Variants in CLEC17A observed in about 807,000 individuals in gnomAD.
CLEC17A encodes C-type lectin domain containing 17A.
Under a neutral mutation model 61.3 loss-of-function variants are expected in CLEC17A, and 37 were observed. The observed-to-expected ratio is 0.60, with a 90% CI of 0.46 to 0.79. CLEC17A has a LOEUF of 0.79. Among genes scored for constraint, CLEC17A ranks in the 30% least tolerant of loss-of-function variants. The probability of loss-of-function intolerance (pLI) is 0.00; values close to 1 mark genes in which losing one functional copy is unlikely to be tolerated. For missense variants in CLEC17A, 418 were observed against 464.7 expected (o/e 0.90, Z 0.92); for synonymous variants, 168 against 164.9 (o/e 1.02, Z -0.14).
At chr19:14,592,751 G>A (rs1393367138) in intron 4 of CLEC17A, among the ~76,000 whole-genome samples, 4 of 151,916 alleles carry the variant, frequency 2.6e-5, no homozygotes, top group East Asian at 1.9e-4. Flanking sequence ...CTGCAACCTC[G>A]CCTCCTGGGT....
At chr19:14,587,038 A>T (rs2074300128) in intron 2 of CLEC17A, among the ~76,000 whole-genome samples, 1 of 151,092 alleles carries the variant, frequency 6.6e-6, no homozygotes, top group Non-Finnish European at 1.5e-5. Context: ...ACAGGCAGGC[A>T]CCACCACGCC....
intron 13 of CLEC17A, 48 bp from the exon 14 acceptor site, chr19:14,610,016 A>G (rs755278132): frequency 3.6e-6 from 5 of 1,407,970 alleles, no homozygotes; most frequent in Middle Eastern, 1.8e-4. Context: ...GAAGAGTTTC[A>G]CCACCCTAAA....
At chr19:14,604,959 C>T (rs2074818324) in intron 12 of CLEC17A, among the ~76,000 whole-genome samples, 2 of 152,098 alleles carry the variant, frequency 1.3e-5, no homozygotes, top group South Asian at 4.1e-4. Flanking sequence ...CACACCCAAA[C>T]AGCAACAATA....
intron 2 of CLEC17A, among the ~76,000 whole-genome samples, chr19:14,586,487 A>T (rs1406201061): frequency 6.6e-6 from 1 of 151,630 alleles, no homozygotes; most frequent in Non-Finnish European, 1.5e-5. Context: ...TAGTAGTGCA[A>T]TCATGGCTCA....
At chr19:14,600,398 C>G (rs1334326781) in intron 12 of CLEC17A, among the ~76,000 whole-genome samples, 1 of 152,158 alleles carries the variant, frequency 6.6e-6, no homozygotes, top group African/African-American at 2.4e-5. Context: ...TTGATTTAAC[C>G]TCTGTACATT....
chr19:14,600,675 G>A (rs143175627), intron 12 of CLEC17A, among the ~76,000 whole-genome samples: 1,812 of 150,752 alleles, frequency 0.012, 34 homozygotes, highest in African/African-American at 0.042. Context: ...TCCGCCTCCC[G>A]GGTTCACGCC....
intron 3 of CLEC17A, among the ~76,000 whole-genome samples, chr19:14,590,862 A>ATTT (rs74183400): frequency 1.9e-4 from 26 of 135,356 alleles, no homozygotes; most frequent in African/African-American, 6.7e-4. Context: ...GTTTTTTCTA[A>ATTT]TTTTTTTTTT....
intron 2 of CLEC17A, among the ~76,000 whole-genome samples, chr19:14,584,980 C>T (rs2074252763): frequency 6.6e-6 from 1 of 151,706 alleles, no homozygotes; most frequent in African/African-American, 2.4e-5. Flanking sequence ...CCCACCCCAT[C>T]CCAACACCAA....
chr19:14,605,042 T>A (rs553004642), intron 12 of CLEC17A, among the ~76,000 whole-genome samples: 2 of 150,214 alleles, frequency 1.3e-5, no homozygotes, highest in East Asian at 4.0e-4. Flanking sequence ...AGTCAAAAAG[T>A]CTAAAATGGG....
At chr19:14,593,964 AAAACAAACAAACAAAC>A (rs542906170) in intron 4 of CLEC17A, among the ~76,000 whole-genome samples, 1 of 146,788 alleles carries the variant, frequency 6.8e-6, no homozygotes, top group Non-Finnish European at 1.5e-5. Context: ...TCTGTCTCAT[AAAACAAACAAACAAAC>A]AAACAAACAA....
At chr19:14,605,572 G>T (rs2074841028) in intron 12 of CLEC17A, among the ~76,000 whole-genome samples, 1 of 152,160 alleles carries the variant, frequency 6.6e-6, no homozygotes, top group Non-Finnish European at 1.5e-5. Context: ...ACCCTAGAAA[G>T]TTTTTTCATA....
chr19:14,610,031 C>G, intron 13 of CLEC17A, 33 bp from the exon 14 acceptor site: 1 of 1,537,520 alleles, frequency 6.5e-7, no homozygotes, highest in East Asian at 2.2e-5. Flanking sequence ...CCTAAAGATC[C>G]CTGTCCCTCT....
chr19:14,583,549 G>A (rs2074216754), intron 2 of CLEC17A, 115 bp downstream of exon 2: 9 of 1,539,356 alleles, frequency 5.8e-6, no homozygotes, highest in South Asian at 4.9e-5. Context: ...AGCCCATGCC[G>A]GGCACTGTGG....
intron 12 of CLEC17A, among the ~76,000 whole-genome samples, chr19:14,602,691 T>G (rs1460566793): frequency 6.6e-6 from 1 of 152,152 alleles, no homozygotes; most frequent in Non-Finnish European, 1.5e-5. Context: ...GTGTCCCTTC[T>G]GTTTTTTATC....
chr19:14,587,775 C>G lies in CLEC17A; in HGVS notation c.199+84C>G, dbSNP rs144451112. 6 of 1,580,174 alleles carry G rather than the reference C, an allele frequency of 3.8e-6. No individual in the cohort carries two copies. In the South Asian group the frequency reaches 4.6e-5, roughly 12 times the overall value. On this transcript the variant is annotated intron_variant, in intron 3 of 13. Coordinates refer to ENST00000417570, the MANE Select transcript of CLEC17A (RefSeq NM_001204118.2). ...GCATTGGTTGGGCATTGTAGACACA[C>G]AGTCAGTCTCCTCTCTACACAGCCC...
At chr19:14,587,951 G>C (rs1193115745) in intron 3 of CLEC17A, among the ~76,000 whole-genome samples, 2 of 152,076 alleles carry the variant, frequency 1.3e-5, no homozygotes, top group African/African-American at 4.8e-5. Context: ...CTCAAATAGA[G>C]GAAGGGACTT....
chr19:14,607,550 ATTATTTAT>A (rs71166764), intron 13 of CLEC17A, among the ~76,000 whole-genome samples: 3,220 of 141,458 alleles, frequency 0.023, 67 homozygotes, highest in African/African-American at 0.049. Flanking sequence ...ATTTTATTTT[ATTATTTAT>A]TTATTTATTT....
Position 14,595,262 on chromosome 19 carries a change from C to G in CLEC17A, c.404-12C>G, listed in dbSNP as rs771262078. On this transcript the variant is annotated splice_polypyrimidine_tract_variant and intron_variant, in intron 7 of 13. Coordinates refer to ENST00000417570, the MANE Select transcript of CLEC17A (RefSeq NM_001204118.2). ...CATCTTCTGAATAAACCTCTCTCCC[C>G]CTTTCTCCCAGCTGTGAATCTTGAG... The G allele has an allele frequency of 2.5e-6, 4 of 1,613,912 alleles. No homozygotes were observed. The Admixed American group carries it at 5.0e-5, about 20-fold the overall frequency.
chr19:14,594,366 C>A, intron 4 of CLEC17A, 151 bp from the exon 5 acceptor site: 1 of 922,498 alleles, frequency 1.1e-6, no homozygotes. Context: ...AATCCCATCT[C>A]CATCCCTAAT....
Sources: gnomAD v4.1 joint callset for allele counts (sites outside exome capture counted in the v4.1 genomes callset) on GRCh38, gnomAD v4.1.1 for gene constraint, MANE v1.5 for transcripts, NCBI Gene and HGNC (gene_info 2026-07-23, HGNC 2026-07-21) for gene names.